CCSER1: variants seen among roughly 807,000 people sequenced by gnomAD.
The protein encoded by CCSER1 is serine-rich coiled-coil domain-containing protein 1.
CCSER1 carries 41 observed loss-of-function variants against 82.0 expected under a neutral mutation model. The observed-to-expected ratio is 0.50, with a 90% CI of 0.39 to 0.65. The LOEUF (loss-of-function observed/expected upper bound fraction) is 0.65, where lower values mean the gene tolerates loss of function less well. CCSER1 is among the 30% of genes least tolerant of loss of function. CCSER1 has a pLI of 0.00. For missense variants in CCSER1, 1,119 were observed against 1,064.2 expected, an observed-to-expected ratio of 1.05 and a Z score of -0.72; for synonymous variants, 414 against 383.9, an observed-to-expected ratio of 1.08 and a Z score of -0.92.
intron 10 of CCSER1, among the ~76,000 whole-genome samples, chr4:91,399,545 A>G (rs528976045): frequency 6.6e-6 from 1 of 152,060 alleles, no homozygotes; most frequent in Admixed American, 6.6e-5. Context: ...AGAGACTTTC[A>G]TATAGCTGCT....
At chr4:91,200,199 C>G (rs1316195989) in intron 10 of CCSER1, among the ~76,000 whole-genome samples, 1 of 151,706 alleles carries the variant, frequency 6.6e-6, no homozygotes, top group African/African-American at 2.4e-5. Flanking sequence ...TTTTGTCAAT[C>G]TTAAATTTTC....
intron 10 of CCSER1, among the ~76,000 whole-genome samples, chr4:91,234,105 A>G (rs957790560): frequency 1.3e-5 from 2 of 152,148 alleles, no homozygotes; most frequent in East Asian, 3.9e-4. Flanking sequence ...ATGAAAATCT[A>G]AACAAAAATG....
At chr4:91,216,113 A>T (rs1185601743) in intron 10 of CCSER1, among the ~76,000 whole-genome samples, 1 of 152,022 alleles carries the variant, frequency 6.6e-6, no homozygotes, top group Non-Finnish European at 1.5e-5. Flanking sequence ...CTGCTTGAAT[A>T]TTTCAAACAA....
chr4:90,472,669 C>T (rs1056142661), intron 5 of CCSER1, among the ~76,000 whole-genome samples: 3 of 151,946 alleles, frequency 2.0e-5, no homozygotes, highest in Non-Finnish European at 4.4e-5. Context: ...CTCAGAATAC[C>T]ATAGAAAGGA....
rs891502825 is a variant in CCSER1, at chr4:91,601,858, T to A, written c.*2801T>A. ...AGAGAAATACCTTGAAGAAAAGCTG[T>A]TTCCACCTGAAATAAACTGTTCCCA... On this transcript the variant is annotated 3_prime_UTR_variant, in exon 11 of 11. Transcript: ENST00000509176. The A allele has an allele frequency of 7.9e-5, 12 of 152,100 alleles. No homozygotes were observed. The highest frequency in any genetic ancestry group is 2.9e-4 in the African/African-American group (12 of 41,450). The allele number at this position is 152,100 out of a possible 1,614,324, so 9.4% of individuals were successfully genotyped here.
chr4:91,448,746 C>T (rs936481076), intron 10 of CCSER1, among the ~76,000 whole-genome samples: 9 of 151,858 alleles, frequency 5.9e-5, no homozygotes, highest in African/African-American at 1.9e-4. Flanking sequence ...ATCTTGTGTG[C>T]TTAATTAATT....
chr4:91,244,580 G>T (rs1374134697), intron 10 of CCSER1, among the ~76,000 whole-genome samples: 1 of 152,216 alleles, frequency 6.6e-6, no homozygotes, highest in Non-Finnish European at 1.5e-5. Context: ...TGTCCACCAA[G>T]GTGGTACCTC....
chr4:90,394,604 C>T (rs1408473498), intron 3 of CCSER1, among the ~76,000 whole-genome samples: 2 of 152,094 alleles, frequency 1.3e-5, no homozygotes, highest in Non-Finnish European at 2.9e-5. Flanking sequence ...AATTAGAACA[C>T]GTATTACATA....
intron 1 of CCSER1, among the ~76,000 whole-genome samples, chr4:90,233,642 AAAAAC>A (rs1360224409): frequency 4.6e-5 from 7 of 151,734 alleles, no homozygotes; most frequent in South Asian, 2.1e-4. Flanking sequence ...ATTAAAAAAA[AAAAAC>A]AAAACAAACT....
intron 1 of CCSER1, among the ~76,000 whole-genome samples, chr4:90,155,465 T>A (rs1211936148): frequency 6.6e-6 from 1 of 152,224 alleles, no homozygotes; most frequent in Non-Finnish European, 1.5e-5. Context: ...TACCAGTTCC[T>A]CCTTGTACCT....
chr4:90,366,663 C>A (rs911450001), intron 3 of CCSER1, among the ~76,000 whole-genome samples: 1 of 151,746 alleles, frequency 6.6e-6, no homozygotes, highest in African/African-American at 2.4e-5. Context: ...GCCTCTGTAA[C>A]CCATTGTGTA....
chr4:90,200,014 T>G (rs1737357895), intron 1 of CCSER1, among the ~76,000 whole-genome samples: 1 of 150,852 alleles, frequency 6.6e-6, no homozygotes, highest in African/African-American at 2.4e-5. Flanking sequence ...ATTTCCTCGA[T>G]CCCCTACCCT....
chr4:91,251,205 A>C (rs1469885263), intron 10 of CCSER1, among the ~76,000 whole-genome samples: 1 of 152,168 alleles, frequency 6.6e-6, no homozygotes, highest in Admixed American at 6.5e-5. Flanking sequence ...TAGAAGTCCA[A>C]GATCAGGGTG....
chr4:91,207,864 C>G (rs2149079021), intron 10 of CCSER1, among the ~76,000 whole-genome samples: 1 of 151,924 alleles, frequency 6.6e-6, no homozygotes, highest in Middle Eastern at 3.4e-3. Flanking sequence ...ATAAGTGTTC[C>G]TTTTTCTCTG....
intron 5 of CCSER1, among the ~76,000 whole-genome samples, chr4:90,578,446 A>T (rs1396386237): frequency 6.6e-6 from 1 of 152,078 alleles, no homozygotes; most frequent in Non-Finnish European, 1.5e-5. Context: ...TTTTTGTCAT[A>T]TCATGGCACT....
chr4:91,038,706 C>G (rs971459360), intron 9 of CCSER1, among the ~76,000 whole-genome samples: 12 of 152,146 alleles, frequency 7.9e-5, no homozygotes, highest in Non-Finnish European at 1.6e-4. Flanking sequence ...AAGACAGATT[C>G]ATTCTTGCAT....
At chr4:91,038,882 A>G (rs1741678522) in intron 9 of CCSER1, among the ~76,000 whole-genome samples, 1 of 152,212 alleles carries the variant, frequency 6.6e-6, no homozygotes, top group Non-Finnish European at 1.5e-5. Flanking sequence ...AGGACACAGT[A>G]AAACTACAAG....
At chr4:90,616,734 CACACAAATA>C (rs1457612080) in intron 5 of CCSER1, among the ~76,000 whole-genome samples, 709 of 64,018 alleles carry the variant, frequency 0.011, 3 homozygotes, top group African/African-American at 0.028. Context: ...CACACACACA[CACACAAATA>C]AAATAAAATA....
At chr4:90,268,457 C>A (rs76537084) in intron 1 of CCSER1, among the ~76,000 whole-genome samples, 7,390 of 152,062 alleles carry the variant, frequency 0.049, 478 homozygotes, top group African/African-American at 0.15. Flanking sequence ...TTTGTCTATG[C>A]AATCACTGTT....
Sources: gnomAD v4.1 joint callset for allele counts (sites outside exome capture counted in the v4.1 genomes callset) on GRCh38, gnomAD v4.1.1 for gene constraint, MANE v1.5 for transcripts, NCBI Gene and HGNC (gene_info 2026-07-23, HGNC 2026-07-21) for gene names.